The following RAB31 variants were observed in gnomAD, a reference collection of about 807,000 sequenced individuals.
RAB31 encodes ras-related protein Rab-31.
RAB31 carries 21 observed loss-of-function variants against 25.6 expected under a neutral mutation model. The ratio of observed to expected loss-of-function variants is 0.82; its 90% confidence interval spans 0.58 to 1.18. The LOEUF (loss-of-function observed/expected upper bound fraction) is 1.18, where lower values mean the gene tolerates loss of function less well. Ranked by LOEUF, RAB31 falls within the 50% of genes most tolerant of loss-of-function variation. The pLI is 0.00. For synonymous variants in RAB31, 87 were observed against 84.0 expected, an observed-to-expected ratio of 1.04 and a Z score of -0.20; for missense variants, 196 against 250.1, an observed-to-expected ratio of 0.78 and a Z score of 1.46.
At chr18:9,740,869 G>A (rs1386883809) in intron 1 of RAB31, among the ~76,000 whole-genome samples, 1 of 152,132 alleles carries the variant, frequency 6.6e-6, no homozygotes, top group Non-Finnish European at 1.5e-5. Flanking sequence ...GCTGCACAGG[G>A]GTCTCTAATG....
intron 1 of RAB31, chr18:9,757,842 C>T (rs1038119406): frequency 6.6e-6 from 1 of 152,268 alleles, no homozygotes; most frequent in Non-Finnish European, 1.5e-5. Context: ...TGACTCCATC[C>T]TGGATGCTAA....
At chr18:9,739,228 A>G (rs2068165455) in intron 1 of RAB31, among the ~76,000 whole-genome samples, 1 of 152,220 alleles carries the variant, frequency 6.6e-6, no homozygotes, top group African/African-American at 2.4e-5. Flanking sequence ...TAATCCCAGC[A>G]CTTTGGGAGG....
intron 3 of RAB31, among the ~76,000 whole-genome samples, chr18:9,810,235 A>C (rs1274737738): frequency 6.6e-6 from 1 of 152,234 alleles, no homozygotes; most frequent in Non-Finnish European, 1.5e-5. Context: ...ATAACCTTTC[A>C]AGGTAAGATG....
intron 2 of RAB31, among the ~76,000 whole-genome samples, chr18:9,789,315 G>A (rs977494655): frequency 1.1e-4 from 17 of 152,154 alleles, no homozygotes; most frequent in Non-Finnish European, 2.2e-4. Flanking sequence ...GTGTTCTGTA[G>A]CACTGTAGGA....
Position 9,768,192 on chromosome 18 carries a change from T to G in RAB31, c.40-7086T>G, listed in dbSNP as rs558151906. ...GTGTGCATGTGTCTTTATAGTAGAA[T>G]GATTTATAATCCTTTGTGTATATAA... On this transcript the variant is annotated intron_variant, in intron 1 of 6. Transcript: ENST00000578921. Among the ~76,000 whole-genome samples, 5 of 152,358 alleles carry G rather than the reference T, an allele frequency of 3.3e-5. No homozygotes were observed. The East Asian group carries it at 9.6e-4, about 29-fold the overall frequency.
At chr18:9,794,031 C>T (rs897990599) in intron 3 of RAB31, among the ~76,000 whole-genome samples, 2 of 152,108 alleles carry the variant, frequency 1.3e-5, no homozygotes, top group Admixed American at 1.3e-4. Flanking sequence ...TAGCAGGGAC[C>T]ACAGGTGCTC....
Position 9,708,413 on chromosome 18 carries a change from C to A in RAB31, c.8C>A (p.Ala3Glu). The A allele has an allele frequency of 6.4e-7, 1 of 1,568,410 alleles. No individual in the cohort carries two copies. Among genetic ancestry groups the A allele is most frequent in the South Asian group, 1.1e-5 (1 of 87,160 alleles). MM[A>E]IRELKVCLLG... ...CTGCCTGGCTGCGAGCACATGATGG[C>A]GATACGGGAGCTCAAAGTGTGCCTT... is the stretch of plus-strand genomic sequence containing the variant. The change falls in exon 1 of 7, where the codon GCG becomes GAG. Residue 3 changes from alanine (A) to glutamate (E), a missense_variant. By Grantham distance (107) the Ala-to-Glu change is moderately radical (BLOSUM62 -1). Coordinates refer to ENST00000578921, the MANE Select transcript of RAB31 (RefSeq NM_006868.4). This position sits in a 1 kb window ranked among gnomAD's most constrained non-coding sequence, Gnocchi z 6.4.
chr18:9,764,342 T>G (rs958117671), intron 1 of RAB31, among the ~76,000 whole-genome samples: 1 of 152,204 alleles, frequency 6.6e-6, no homozygotes, highest in African/African-American at 2.4e-5. Context: ...GCACGTACGG[T>G]GAATCAGTGG....
At chr18:9,748,382 G>A (rs1002645475) in intron 1 of RAB31, among the ~76,000 whole-genome samples, 5 of 151,710 alleles carry the variant, frequency 3.3e-5, no homozygotes, top group East Asian at 1.9e-4. Flanking sequence ...GGCATGGACC[G>A]GTAGTCCCAG....
intron 1 of RAB31, among the ~76,000 whole-genome samples, chr18:9,718,020 G>C (rs1329059128): frequency 6.6e-6 from 1 of 150,716 alleles, no homozygotes; most frequent in Non-Finnish European, 1.5e-5. Flanking sequence ...TCAGCCTCCC[G>C]AGTAGCTGGG....
rs11451829 is a variant in RAB31 at position 9,805,283 on chromosome 18, T to TAAAA, written c.202-8727_202-8724dup. Among the ~76,000 whole-genome samples, 9 of 146,872 alleles carry TAAAA rather than the reference T, an allele frequency of 6.1e-5. No homozygotes were observed. The East Asian group carries it at 8.0e-4, about 13-fold the overall frequency. ...AACAAAAACAAAAACATAAAAAGAT[T>TAAAA]AAAAAAAAAAAAAGAAATAAGTATC... On this transcript the variant is annotated intron_variant, in intron 3 of 6. Coordinates refer to ENST00000578921, the MANE Select transcript of RAB31 (RefSeq NM_006868.4).
At chr18:9,749,467 C>T (rs748481734) in intron 1 of RAB31, among the ~76,000 whole-genome samples, 4 of 152,214 alleles carry the variant, frequency 2.6e-5, no homozygotes, top group Non-Finnish European at 5.9e-5. Context: ...TACTCCTCTA[C>T]ACAGTTAGTT....
At chr18:9,806,484 G>A (rs897745763) in intron 3 of RAB31, among the ~76,000 whole-genome samples, 2 of 151,582 alleles carry the variant, frequency 1.3e-5, no homozygotes, top group African/African-American at 2.4e-5. Flanking sequence ...GGGAAGGTGC[G>A]GAGGCTCGGT....
intron 5 of RAB31, among the ~76,000 whole-genome samples, chr18:9,823,343 G>A (rs2068633138): frequency 6.6e-6 from 1 of 152,148 alleles, no homozygotes; most frequent in Admixed American, 6.5e-5. Flanking sequence ...CTTCTCTGTG[G>A]TGGTGGACAC....
chr18:9,814,410 G>A (rs11875218), intron 4 of RAB31, among the ~76,000 whole-genome samples: 4,326 of 152,200 alleles, frequency 0.028, 205 homozygotes, highest in African/African-American at 0.099. Flanking sequence ...TTTTGTTACT[G>A]TTTCAATCAT....
At chr18:9,840,149 C>T (rs928556673) in intron 5 of RAB31, among the ~76,000 whole-genome samples, 3 of 152,210 alleles carry the variant, frequency 2.0e-5, no homozygotes, top group Admixed American at 2.0e-4. Context: ...TGTGAAGGAG[C>T]AGCCAGGGGA....
intron 6 of RAB31, among the ~76,000 whole-genome samples, chr18:9,851,303 G>A (rs2068788280): frequency 6.6e-6 from 1 of 152,158 alleles, no homozygotes; most frequent in South Asian, 2.1e-4. Context: ...TGGGCAAGTT[G>A]GGTCTCAAAA....
intron 2 of RAB31, among the ~76,000 whole-genome samples, chr18:9,784,300 A>G (rs1391418046): frequency 6.6e-6 from 1 of 151,856 alleles, no homozygotes; most frequent in Non-Finnish European, 1.5e-5. Flanking sequence ...TTGGCCTCCC[A>G]AAGTGCTGGG....
chr18:9,745,378 T>G (rs1013630248), intron 1 of RAB31, among the ~76,000 whole-genome samples: 10 of 152,214 alleles, frequency 6.6e-5, no homozygotes, highest in Non-Finnish European at 7.3e-5. Flanking sequence ...TAAAGAAGCA[T>G]AACATCAGTT....
Sources: allele counts gnomAD v4.1 joint callset (sites outside exome capture counted in the v4.1 genomes callset), GRCh38; gene constraint gnomAD v4.1.1; non-coding constraint Gnocchi (gnomAD v3.1); transcripts MANE v1.5; gene names NCBI Gene and HGNC (gene_info 2026-07-23, HGNC 2026-07-21).